The following CMYA5 variants were observed in gnomAD, a reference collection of about 807,000 sequenced individuals.
CMYA5 encodes the protein cardiomyopathy associated 5.
Under a neutral mutation model 318.9 loss-of-function variants are expected in CMYA5, and 246 were observed. The observed-to-expected ratio is 0.77, with a 90% CI of 0.70 to 0.86. CMYA5 has a LOEUF of 0.86. Ranked by LOEUF, CMYA5 falls within the 40% of genes least tolerant of loss-of-function variation. The pLI is 0.00. For synonymous variants in CMYA5, 1,641 were observed against 1,729.5 expected (o/e 0.95, Z 1.27); for missense variants, 4,589 against 4,678.2 (o/e 0.98, Z 0.56).
rs574075659 is a variant in CMYA5 at position 79,767,686 on chromosome 5, A to G, written c.11555+4477A>G. On this transcript the variant is annotated intron_variant, in intron 9 of 12. Coordinates refer to ENST00000446378, the MANE Select transcript of CMYA5 (RefSeq NM_153610.5). ...TGAGAGACTGTTTGTTATGATTTCC[A>G]TTCTTTTATATTTGCTGAGGAGTGT... Among the ~76,000 whole-genome samples, 12 of 152,180 alleles carry G rather than the reference A, an allele frequency of 7.9e-5. No homozygotes were observed. The South Asian group carries it at 2.5e-3, about 32-fold the overall frequency.
chr5:79,710,963 T>C (rs879377797), intron 1 of CMYA5, among the ~76,000 whole-genome samples: 3 of 152,106 alleles, frequency 2.0e-5, no homozygotes, highest in Non-Finnish European at 4.4e-5. Context: ...AACAATGATT[T>C]TGGGGATGCA....
Position 79,718,138 on chromosome 5 carries a change from C to T in CMYA5, c.150-10777C>T, listed in dbSNP as rs374109136. 2.0e-3 allele frequency among the ~76,000 whole-genome samples: 96 copies of T among 47,972 alleles called. 24 individuals carry two copies. The highest frequency in any genetic ancestry group is 3.0e-3 in the Non-Finnish European group (80 of 26,924). 31.5% of individuals were successfully genotyped at this position (47,972 alleles called of 152,430 possible). On this transcript the variant is annotated intron_variant, in intron 1 of 12. Transcript: ENST00000446378. ...TCCTGACCTCGTGATCCGCCCGCCT[C>T]GGCCTCCCAAAGTGCTGGGATTACA...
intron 1 of CMYA5, among the ~76,000 whole-genome samples, chr5:79,697,985 C>T (rs1048888432): frequency 1.1e-4 from 17 of 152,112 alleles, no homozygotes; most frequent in African/African-American, 3.1e-4. Context: ...ATTGCATTTT[C>T]GTAAGGCCAA....
chr5:79,737,860 C>T lies in CMYA5; in HGVS notation c.9095C>T (p.Ser3032Phe). ...KETHKTKEEISTDSETDLSFI... is the reference protein window; with the variant it reads ...KETHKTKEEIFTDSETDLSFI... The stretch of plus-strand genomic sequence containing the variant: ...ACTCATAAGACAAAAGAAGAGATAT[C>T]CACAGATTCAGAAACTGATTTATCA... The change falls in exon 2 of 13, where the codon TCC (serine) becomes TTC (phenylalanine). Residue 3032 changes from serine to phenylalanine, a missense_variant. Physicochemically the swap from Ser to Phe is radical, Grantham distance 155. Around this residue, in one of 3 missense-constraint regions of CMYA5, gnomAD observed 2,431 missense variants for 2,495.1 expected, o/e 0.97. Coordinates refer to ENST00000446378, the MANE Select transcript of CMYA5 (RefSeq NM_153610.5). 6.3e-7 allele frequency: 1 copy of T among 1,599,050 alleles called. No homozygotes were observed. Among genetic ancestry groups the T allele is most frequent in the Non-Finnish European group, 8.5e-7 (1 of 1,176,232 alleles).
In CMYA5 at chr5:79,737,599, G is replaced by C. The variant is rs1189894273; in HGVS notation, c.8834G>C (p.Ser2945Thr). The change falls in exon 2 of 13, where the codon AGT becomes ACT. Residue 2945 changes from serine to threonine, a missense_variant. Transcript: ENST00000446378. ...GLSEDQKTAF[S>T]IISEGCEILN... ...TCAGAAGATCAGAAGACTGCCTTTA[G>C]TATCATTTCTGAAGGCTGTGAGATA... 6.2e-7 allele frequency: 1 copy of C among 1,613,696 alleles called. No homozygotes were observed. Among genetic ancestry groups the C allele is most frequent in the Non-Finnish European group, 8.5e-7 (1 of 1,179,790 alleles).
chr5:79,797,564 TC>T (rs575683399), intron 12 of CMYA5, among the ~76,000 whole-genome samples: 65 of 152,148 alleles, frequency 4.3e-4, no homozygotes, highest in Non-Finnish European at 6.8e-4. Flanking sequence ...TGTCACCTTT[TC>T]CTTCTTGGCT....
At chr5:79,727,233 T>C (rs1827768114) in intron 1 of CMYA5, among the ~76,000 whole-genome samples, 1 of 152,144 alleles carries the variant, frequency 6.6e-6, no homozygotes, top group Admixed American at 6.5e-5. Flanking sequence ...TGATTCTGAA[T>C]ACATATTGTA....
intron 1 of CMYA5, among the ~76,000 whole-genome samples, chr5:79,726,587 T>C (rs2151083107): frequency 1.3e-5 from 2 of 152,272 alleles, no homozygotes; most frequent in South Asian, 4.1e-4. Context: ...ATGGCATGTA[T>C]AGAAAATGAT....
chr5:79,717,905 T>C (rs1428034310), intron 1 of CMYA5, among the ~76,000 whole-genome samples: 1 of 46,882 alleles, frequency 2.1e-5, no homozygotes, highest in East Asian at 1.1e-3. Flanking sequence ...TTTTTTTTTT[T>C]TGAGACGGAG....
At chr5:79,785,559 T>C (rs981146894) in intron 9 of CMYA5, among the ~76,000 whole-genome samples, 2 of 152,186 alleles carry the variant, frequency 1.3e-5, no homozygotes, top group Non-Finnish European at 2.9e-5. Context: ...AGATTTTTCA[T>C]TTTATCTCCT....
At chr5:79,766,824 T>C (rs968237720) in intron 9 of CMYA5, among the ~76,000 whole-genome samples, 2 of 152,230 alleles carry the variant, frequency 1.3e-5, no homozygotes, top group African/African-American at 2.4e-5. Flanking sequence ...CCTCATAAAA[T>C]GAGTTAGGGA....
rs766767182 is a variant in CMYA5, at chr5:79,733,223, T to G, written c.4458T>G (p.Ser1486=). 12 of 1,613,688 alleles carry G rather than the reference T, an allele frequency of 7.4e-6. No individual in the cohort carries two copies. The South Asian group carries it at 1.2e-4, about 16-fold the overall frequency. Residue 1486 remains serine, a synonymous_variant, in exon 2 of 13, where the codon TCT becomes TCG. Transcript: ENST00000446378. ...KTSSSQHSDK[S]EEARVEDKQD... The stretch of plus-strand genomic sequence containing the variant: ...CATCTTCTCAGCATTCAGATAAATC[T>G]GAGGAAGCAAGGGTAGAAGACAAAC...
Position 79,729,645 on chromosome 5 carries a change from G to A in CMYA5, c.880G>A (p.Asp294Asn). ...TRKLVAQSIE[D>N]KVKEVFPPWR... ...CAAATTAGTAGCCCAAAGCATAGAGGATAAAGTAAAAGAGGTTTTTCCACC... is the reference window on the plus strand; with the variant it reads ...CAAATTAGTAGCCCAAAGCATAGAGAATAAAGTAAAAGAGGTTTTTCCACC... The change falls in exon 2 of 13, where the codon GAT becomes AAT. Residue 294 changes from aspartate to asparagine, a missense_variant. This residue lies in a region of CMYA5 where 2,132 missense variants were observed against 2,131.3 expected (regional missense o/e 1.00). Coordinates refer to ENST00000446378, the MANE Select transcript of CMYA5 (RefSeq NM_153610.5). 1.2e-6 allele frequency: 2 copies of A among 1,613,802 alleles called. No homozygotes were observed. The highest frequency in any genetic ancestry group is 1.7e-6 in the Non-Finnish European group (2 of 1,179,842).
In CMYA5 at chr5:79,787,124, T is replaced by G. The variant is rs16877189; in HGVS notation, c.11556-1847T>G. On this transcript the variant is annotated intron_variant, in intron 9 of 12. Coordinates refer to ENST00000446378, the MANE Select transcript of CMYA5 (RefSeq NM_153610.5). Reference sequence around the variant, plus strand: ...ACCTACAAAACAGTATCCTTGCTGTTTAACAACTGTGTTGTTATAAAATGA... The same window carrying G: ...ACCTACAAAACAGTATCCTTGCTGTGTAACAACTGTGTTGTTATAAAATGA... Among the ~76,000 whole-genome samples the G allele has an allele frequency of 8.4e-3, 1,285 of 152,334 alleles. 26 individuals are homozygous for G. The highest frequency in any genetic ancestry group is 0.075 in the South Asian group (364 of 4,824).
In CMYA5 at chr5:79,736,467, A is replaced by G. The variant is rs756988064; in HGVS notation, c.7702A>G (p.Met2568Val). ...QPYSVNVAESMSRESDISLGH... is the reference protein window; with the variant it reads ...QPYSVNVAESVSRESDISLGH... Reference sequence around the variant, plus strand: ...TTATTCTGTGAATGTAGCCGAGTCTATGAGTAGAGAATCAGATATCTCTTT... The same window carrying G: ...TTATTCTGTGAATGTAGCCGAGTCTGTGAGTAGAGAATCAGATATCTCTTT... Residue 2568 changes from methionine to valine, a missense_variant, in exon 2 of 13, where the codon ATG becomes GTG. Met to Val is a conservative substitution (Grantham distance 21). Around this residue, in one of 3 missense-constraint regions of CMYA5, gnomAD observed 2,431 missense variants for 2,495.1 expected, o/e 0.97. Transcript: ENST00000446378. 6.8e-6 allele frequency: 11 copies of G among 1,610,634 alleles called. No homozygotes were observed. Among genetic ancestry groups the G allele is most frequent in the East Asian group, 2.2e-5 (1 of 44,760 alleles).
intron 1 of CMYA5, among the ~76,000 whole-genome samples, chr5:79,709,129 G>C (rs930142624): frequency 6.6e-6 from 1 of 152,140 alleles, no homozygotes; most frequent in Admixed American, 6.5e-5. Context: ...ACCCAGTGTT[G>C]CTAAGAGTAT....
chr5:79,774,653 C>T (rs1828908778), intron 9 of CMYA5, among the ~76,000 whole-genome samples: 2 of 152,152 alleles, frequency 1.3e-5, no homozygotes, highest in South Asian at 2.1e-4. Flanking sequence ...GAGACACTCC[C>T]GGGGCCATCC....
intron 1 of CMYA5, among the ~76,000 whole-genome samples, chr5:79,708,485 C>T (rs1217422129): frequency 3.3e-5 from 5 of 152,004 alleles, no homozygotes; most frequent in African/African-American, 9.7e-5. Context: ...ATTAGCCAGG[C>T]GTGGTGGCGG....
chr5:79,771,083 A>C (rs1008795383), intron 9 of CMYA5, among the ~76,000 whole-genome samples: 11 of 152,084 alleles, frequency 7.2e-5, no homozygotes, highest in Non-Finnish European at 1.5e-4. Context: ...AAAAAAAAAA[A>C]AAACCAGACT....
Sources: gnomAD v4.1 joint callset for allele counts (sites outside exome capture counted in the v4.1 genomes callset) on GRCh38, gnomAD v4.1.1 for gene constraint, gnomAD v4.1.1 regional missense constraint, MANE v1.5 for transcripts, NCBI Gene and HGNC (gene_info 2026-07-23, HGNC 2026-07-21) for gene names.